The following FSD2 variants were observed in gnomAD, a reference collection of about 807,000 sequenced individuals.
FSD2 encodes the protein fibronectin type III and SPRY domain containing 2.
In FSD2, 71 loss-of-function variants were observed where a neutral mutation model predicts 80.4. The observed-to-expected ratio is 0.88, with a 90% confidence interval of 0.73 to 1.08. The LOEUF is 1.08. Ranked by LOEUF, FSD2 falls within the 50% of genes least tolerant of loss-of-function variation. The pLI is 0.00. For missense variants in FSD2, 923 were observed against 913.8 expected (o/e 1.01, Z -0.13); for synonymous variants, 361 against 329.5 (o/e 1.10, Z -1.03).
In FSD2 at chr15:82,786,492, T is replaced by C. The variant is rs778131021; in HGVS notation, c.735+19A>G. 3 of 1,572,952 alleles carry C rather than the reference T, an allele frequency of 1.9e-6. No individual in the cohort carries two copies. The highest frequency in any genetic ancestry group is 2.2e-5 in the East Asian group (1 of 44,636). ...TGGAAGAAATGTGAGTCTGATGAGGTCTTCAAGTGTGCTCTTACCTCCACA... is the reference window on the plus strand; with the variant it reads ...TGGAAGAAATGTGAGTCTGATGAGGCCTTCAAGTGTGCTCTTACCTCCACA... On this transcript the variant is annotated intron_variant, in intron 3 of 12. Transcript: ENST00000334574.
chr15:82,786,972 G>C lies in FSD2; in HGVS notation c.419C>G (p.Ala140Gly). The C allele has an allele frequency of 6.2e-7, 1 of 1,614,002 alleles. No individual in the cohort carries two copies. The highest frequency in any genetic ancestry group is 8.5e-7 in the Non-Finnish European group (1 of 1,179,886). The change falls in exon 2 of 13, where the codon GCA becomes GGA. Residue 140 changes from alanine (A) to glycine (G), a missense_variant. By Grantham distance (60) the Ala-to-Gly change is moderately conservative. Coordinates refer to ENST00000334574, the MANE Select transcript of FSD2 (RefSeq NM_001007122.4). ...EDLGFGGWGS[A>G]GQCQDLREAY... is the part of the protein sequence containing the mutation. ...TTCCCGCAAGTCCTGGCACTGGCCT[G>C]CTGAGCCCCACCCTCCGAAGCCCAG...
Position 82,787,373 on chromosome 15 carries a change from C to T in FSD2, c.18G>A (p.Gly6=). MEEES[G]EELGLDRSTP... The stretch of plus-strand genomic sequence containing the variant: ...TAGACCTGTCCAGCCCCAGTTCCTC[C>T]CCCGATTCCTCCTCCATTGTAACTC... Residue 6 remains glycine, a synonymous_variant, in exon 2 of 13, where the codon GGG becomes GGA. Transcript: ENST00000334574. 1 of 1,606,716 alleles carries T rather than the reference C, an allele frequency of 6.2e-7. No homozygotes were observed. The highest frequency in any genetic ancestry group is 8.5e-7 in the Non-Finnish European group (1 of 1,175,766).
chr15:82,765,812 A>C, intron 10 of FSD2, 86 bp downstream of exon 10: 1 of 1,470,816 alleles, frequency 6.8e-7, no homozygotes, highest in Non-Finnish European at 9.1e-7. Flanking sequence ...ATATTCATCA[A>C]TTTCCCAGTG....
At chr15:82,766,164 C>T in intron 9 of FSD2, 133 bp from the exon 10 acceptor site, 1 of 1,019,834 alleles carries the variant, frequency 9.8e-7, no homozygotes, top group Non-Finnish European at 1.4e-6. Flanking sequence ...TTAACAGCAG[C>T]ATAGCCAGGA....
chr15:82,778,157 T>TATATATATATATAA (rs558795727), intron 6 of FSD2, among the ~76,000 whole-genome samples: 5 of 129,888 alleles, frequency 3.8e-5, no homozygotes, highest in African/African-American at 1.3e-4. Flanking sequence ...TATATATATA[T>TATATATATATATAA]AATAACTATT....
chr15:82,801,936 GT>G, intron 1 of FSD2, among the ~76,000 whole-genome samples: 1 of 152,316 alleles, frequency 6.6e-6, no homozygotes, highest in Non-Finnish European at 1.5e-5. Flanking sequence ...GTGGAGGTAG[GT>G]TTCCAGAGGC....
chr15:82,762,666 TA>T (rs2049319812), intron 11 of FSD2, among the ~76,000 whole-genome samples: 2 of 152,126 alleles, frequency 1.3e-5, no homozygotes, highest in African/African-American at 4.8e-5. Flanking sequence ...TTGCTTATGG[TA>T]CTAAATGAAC....
At chr15:82,799,567 A>C (rs2050361788) in intron 1 of FSD2, among the ~76,000 whole-genome samples, 1 of 152,130 alleles carries the variant, frequency 6.6e-6, no homozygotes, top group African/African-American at 2.4e-5. Context: ...TGTCTTGAGC[A>C]GCCCCCTCCA....
Position 82,755,379 on chromosome 15 carries a change from T to G in FSD2, c.*3969A>C, listed in dbSNP as rs978088642. ...AATCCAAGTTCATATACCAAAACATTTTTATTTGCTATGTCTGAGTGACTA... is the reference window on the plus strand; with the variant it reads ...AATCCAAGTTCATATACCAAAACATGTTTATTTGCTATGTCTGAGTGACTA... On this transcript the variant is annotated 3_prime_UTR_variant, in exon 13 of 13. Coordinates refer to ENST00000334574, the MANE Select transcript of FSD2 (RefSeq NM_001007122.4). 4.6e-5 allele frequency: 7 copies of G among 152,154 alleles called. No homozygotes were observed. The highest frequency in any genetic ancestry group is 1.7e-4 in the African/African-American group (7 of 41,436). The allele number at this position is 152,154 out of a possible 1,614,324, so 9.4% of individuals were successfully genotyped here. A position where few individuals can be genotyped will look rare whatever the true frequency, so the allele number is the denominator to read the frequency against.
intron 4 of FSD2, among the ~76,000 whole-genome samples, chr15:82,781,895 T>C (rs1253061805): frequency 7.0e-6 from 1 of 141,888 alleles, no homozygotes; most frequent in Non-Finnish European, 1.5e-5. Flanking sequence ...CCGTCTCTAC[T>C]AAAAAAAAAA....
At chr15:82,798,628 A>T (rs2050334792) in intron 1 of FSD2, among the ~76,000 whole-genome samples, 1 of 152,212 alleles carries the variant, frequency 6.6e-6, no homozygotes, top group South Asian at 2.1e-4. Flanking sequence ...CACTTTTATG[A>T]TCCAGTTTTC....
Position 82,768,904 on chromosome 15 carries a change from C to T in FSD2, c.1529G>A (p.Ser510Asn). The change falls in exon 9 of 13, where the codon AGT (serine) becomes AAT (asparagine). Residue 510 changes from serine (S) to asparagine (N), a missense_variant. Transcript: ENST00000334574. ...CTCAGTTACACCCGAGGCTTCTGGA[C>T]TTTCAGCCTGGGTCAGCTCCACAGT... Reference protein sequence around the residue: ...SYTVELTQAESPEASGVTESV... With the variant: ...SYTVELTQAENPEASGVTESV... 1 of 1,572,520 alleles carries T rather than the reference C, an allele frequency of 6.4e-7. No individual in the cohort carries two copies. The highest frequency in any genetic ancestry group is 1.8e-5 in the Admixed American group (1 of 54,456).
Position 82,772,143 on chromosome 15 carries a change from G to C in FSD2, c.1197C>G (p.Asp399Glu). The C allele has an allele frequency of 3.7e-6, 6 of 1,610,938 alleles. No homozygotes were observed. The highest frequency in any genetic ancestry group is 5.1e-6 in the Non-Finnish European group (6 of 1,178,752). Reference protein sequence around the residue: ...SVRVCWSLYSDDTVESYQLSY... With the variant: ...SVRVCWSLYSEDTVESYQLSY... Reference sequence around the variant, plus strand: ...ACAGCTGATAGCTCTCCACAGTGTCGTCGGAGTATAAGCTCCAGCACACTC... The same window carrying C: ...ACAGCTGATAGCTCTCCACAGTGTCCTCGGAGTATAAGCTCCAGCACACTC... Residue 399 changes from aspartate to glutamate, a missense_variant, in exon 7 of 13, where the codon GAC becomes GAG. Transcript: ENST00000334574.
At position 82,790,474 on chromosome 15, in the gene FSD2, T is replaced by C. The variant is rs574838873; in HGVS notation, c.-78-3006A>G. Among the ~76,000 whole-genome samples the C allele has an allele frequency of 3.9e-5, 6 of 152,238 alleles. No homozygotes were observed. The South Asian group carries it at 1.0e-3, about 26-fold the overall frequency. On this transcript the variant is annotated intron_variant, in intron 1 of 12. Transcript: ENST00000334574. ...TATTTTCCATCTTATGCCTGCTTCT[T>C]GGAGAACGAGATTAACACAGTCGGT...
intron 9 of FSD2, among the ~76,000 whole-genome samples, chr15:82,768,465 A>G (rs531018332): frequency 6.6e-6 from 1 of 152,218 alleles, no homozygotes; most frequent in East Asian, 1.9e-4. Context: ...TATTTTACAC[A>G]TTGGTTTGTT....
chr15:82,775,991 A>G (rs2049705692), intron 6 of FSD2, among the ~76,000 whole-genome samples: 1 of 152,204 alleles, frequency 6.6e-6, no homozygotes, highest in South Asian at 2.1e-4. Flanking sequence ...TGTGGTCATA[A>G]AAGATACTTG....
At chr15:82,784,627 C>A (rs1359539435) in intron 3 of FSD2, among the ~76,000 whole-genome samples, 3 of 152,182 alleles carry the variant, frequency 2.0e-5, no homozygotes, top group Admixed American at 1.3e-4. Flanking sequence ...AAGGGTTTGC[C>A]ACTTCTCTGT....
intron 9 of FSD2, 113 bp from the exon 10 acceptor site, chr15:82,766,144 T>G (rs1287254534): frequency 2.5e-6 from 3 of 1,191,742 alleles, no homozygotes; most frequent in Non-Finnish European, 3.4e-6. Flanking sequence ...TCCTGTCCTC[T>G]GACCCACATT....
intron 1 of FSD2, among the ~76,000 whole-genome samples, chr15:82,800,156 A>T (rs947163084): frequency 3.3e-5 from 5 of 152,126 alleles, no homozygotes; most frequent in African/African-American, 1.2e-4. Flanking sequence ...GTCAGAGATG[A>T]CACCTTGCCC....
Sources: gnomAD v4.1 joint callset for allele counts (sites outside exome capture counted in the v4.1 genomes callset) on GRCh38, gnomAD v4.1.1 for gene constraint, MANE v1.5 for transcripts, NCBI Gene and HGNC (gene_info 2026-07-23, HGNC 2026-07-21) for gene names.